The following COLEC11 variants were observed in gnomAD, a reference collection of about 807,000 sequenced individuals.
COLEC11 encodes collectin-11.
In COLEC11, 20 loss-of-function variants were observed where a neutral mutation model predicts 27.3. The ratio of observed to expected loss-of-function variants is 0.73; its 90% confidence interval spans 0.51 to 1.06. The LOEUF (loss-of-function observed/expected upper bound fraction) is 1.06, where lower values mean the gene tolerates loss of function less well. Among genes scored for constraint, COLEC11 ranks in the 50% least tolerant of loss-of-function variants. COLEC11 has a pLI of 0.00. For missense variants in COLEC11, 310 were observed against 383.0 expected (o/e 0.81, Z 1.59); for synonymous variants, 163 against 154.7 (o/e 1.05, Z -0.40).
intron 3 of COLEC11, among the ~76,000 whole-genome samples, chr2:3,622,720 A>C (rs1572435141): frequency 6.6e-6 from 1 of 152,154 alleles, no homozygotes; most frequent in African/African-American, 2.4e-5. Context: ...GCCCTGTGCT[A>C]CCTCAAGACT....
Position 3,644,351 on chromosome 2 carries a change from C to T in COLEC11, c.*233C>T. On this transcript the variant is annotated 3_prime_UTR_variant, in exon 7 of 7. Coordinates refer to ENST00000349077, the MANE Select transcript of COLEC11 (RefSeq NM_024027.5). ...AGAGTTTCATTACCTGTATTGTAGCCCCAATGTCATTATGTAATTATTACC... is the reference window on the plus strand; with the variant it reads ...AGAGTTTCATTACCTGTATTGTAGCTCCAATGTCATTATGTAATTATTACC... 1 of 689,020 alleles carries T rather than the reference C, an allele frequency of 1.5e-6. No homozygotes were observed. The highest frequency in any genetic ancestry group is 1.5e-5 in the South Asian group (1 of 66,606). 42.7% of individuals were successfully genotyped at this position (689,020 alleles called of 1,614,324 possible). A position where few individuals can be genotyped will look rare whatever the true frequency, so the allele number is the denominator to read the frequency against.
In COLEC11 at chr2:3,644,432, TTAAG is replaced by T. The variant is rs1337361539; in HGVS notation, c.*317_*320del. On this transcript the variant is annotated 3_prime_UTR_variant, in exon 7 of 7. Coordinates refer to ENST00000349077, the MANE Select transcript of COLEC11 (RefSeq NM_024027.5). ...TTGTCCAAGCTATACAATAAAATCTTTAAGTAGTGCAGTAGTTAAGTCCAAATAG... is the reference window on the plus strand; with the variant it reads ...TTGTCCAAGCTATACAATAAAATCTTTAGTGCAGTAGTTAAGTCCAAATAG... The T allele has an allele frequency of 8.9e-6, 5 of 559,536 alleles. No homozygotes were observed. Among genetic ancestry groups the T allele is most frequent in the African/African-American group, 1.9e-5 (1 of 53,842 alleles). The allele number at this position is 559,536 out of a possible 1,614,324, so 34.7% of individuals were successfully genotyped here.
rs866629760 is a variant in COLEC11 at position 3,615,292 on chromosome 2, C to T, written c.202+1910C>T. On this transcript the variant is annotated intron_variant, in intron 3 of 6. Coordinates refer to ENST00000349077, the MANE Select transcript of COLEC11 (RefSeq NM_024027.5). Reference sequence around the variant, plus strand: ...CTAGGCAGAGGACCCTGCGGCCATCCGCAGTGTTTGTGTCCCTGGGTACTT... The same window carrying T: ...CTAGGCAGAGGACCCTGCGGCCATCTGCAGTGTTTGTGTCCCTGGGTACTT... Among the ~76,000 whole-genome samples the T allele has an allele frequency of 3.9e-5, 6 of 152,266 alleles. No individual in the cohort carries two copies. The South Asian group carries it at 6.2e-4, about 16-fold the overall frequency.
At chr2:3,624,655 C>T (rs555086025) in intron 3 of COLEC11, among the ~76,000 whole-genome samples, 8 of 152,198 alleles carry the variant, frequency 5.3e-5, no homozygotes, top group Admixed American at 1.3e-4. Flanking sequence ...AACGGTCACA[C>T]GGGTAAAGTG....
At chr2:3,613,466 G>T in intron 3 of COLEC11, 84 bp downstream of exon 3, 1 of 1,437,146 alleles carries the variant, frequency 7.0e-7, no homozygotes, top group Non-Finnish European at 9.6e-7. Context: ...GGTGGGGGTG[G>T]TGGTTCCAGA....
chr2:3,609,696 A>G (rs1220296135), intron 2 of COLEC11, among the ~76,000 whole-genome samples: 3 of 152,078 alleles, frequency 2.0e-5, no homozygotes, highest in African/African-American at 7.2e-5. Flanking sequence ...CGCCTGGCTA[A>G]TTTTTGTATT....
At chr2:3,603,477 C>G (rs1206145024) in intron 1 of COLEC11, 1 of 627,696 alleles carries the variant, frequency 1.6e-6, no homozygotes, top group Non-Finnish European at 2.9e-6. Context: ...CCACCACACC[C>G]AGCTAATTTT....
chr2:3,626,150 T>C (rs1023681446), intron 3 of COLEC11: 50 of 1,380,994 alleles, frequency 3.6e-5, no homozygotes, highest in Non-Finnish European at 4.9e-5. Flanking sequence ...ATGCAGAGAA[T>C]AGGCAACCAC....
intron 3 of COLEC11, among the ~76,000 whole-genome samples, chr2:3,614,781 A>G (rs923585756): frequency 2.0e-5 from 3 of 152,232 alleles, no homozygotes; most frequent in Admixed American, 2.0e-4. Flanking sequence ...GGCAAAGTAA[A>G]CGAAAAAAAG....
chr2:3,614,320 A>T (rs1336088442), intron 3 of COLEC11, among the ~76,000 whole-genome samples: 1 of 152,082 alleles, frequency 6.6e-6, no homozygotes, highest in African/African-American at 2.4e-5. Flanking sequence ...CCCCCCAACC[A>T]ATCTTTTAAC....
chr2:3,612,134 T>A (rs983495752), intron 2 of COLEC11, among the ~76,000 whole-genome samples: 1 of 152,052 alleles, frequency 6.6e-6, no homozygotes, highest in Non-Finnish European at 1.5e-5. Context: ...GCTGGCACAA[T>A]TGTGCAGAGA....
In COLEC11 at chr2:3,636,093, G is replaced by A. The variant is rs138081507; in HGVS notation, c.203-1440G>A. Among the ~76,000 whole-genome samples the A allele has an allele frequency of 7.9e-3, 1,204 of 152,352 alleles. 12 individuals are homozygous for A. Among genetic ancestry groups the A allele is most frequent in the African/African-American group, 0.028 (1,156 of 41,572 alleles). On this transcript the variant is annotated intron_variant, in intron 3 of 6. Transcript: ENST00000349077. ...AAGACTAGGAGTTCCTGGCAGGGAAGTCCTTGGTTCTAAGGAGGCAGGTGG... is the reference window on the plus strand; with the variant it reads ...AAGACTAGGAGTTCCTGGCAGGGAAATCCTTGGTTCTAAGGAGGCAGGTGG...
At chr2:3,627,263 C>T (rs760488897) in intron 3 of COLEC11, among the ~76,000 whole-genome samples, 23 of 148,754 alleles carry the variant, frequency 1.5e-4, no homozygotes, top group Non-Finnish European at 2.8e-4. Context: ...GGCATGATGA[C>T]GCTGGTCACG....
At chr2:3,626,076 A>C (rs1664532967) in intron 3 of COLEC11, 14 of 1,613,868 alleles carry the variant, frequency 8.7e-6, no homozygotes, top group Non-Finnish European at 1.2e-5. Context: ...CGTCCTTTGT[A>C]GAAATGGGAT....
chr2:3,605,107 T>C (rs575501186), intron 2 of COLEC11: 88 of 470,732 alleles, frequency 1.9e-4, no homozygotes, highest in African/African-American at 1.6e-3. Context: ...ATGACCAGCT[T>C]CTACAAAGCA....
At chr2:3,609,535 AT>A (rs61193398) in intron 2 of COLEC11, among the ~76,000 whole-genome samples, 4 of 146,888 alleles carry the variant, frequency 2.7e-5, no homozygotes, top group African/African-American at 2.5e-5. Flanking sequence ...ACATCCTGCT[AT>A]TTTTTTTTTT....
At chr2:3,625,740 C>G (rs1173881285) in intron 3 of COLEC11, among the ~76,000 whole-genome samples, 2 of 138,336 alleles carry the variant, frequency 1.4e-5, no homozygotes, top group Admixed American at 1.6e-4. Context: ...TCAAGTGATT[C>G]TCCTGCCTCA....
In COLEC11 at chr2:3,606,300, G is replaced by A. The variant is rs756382706; in HGVS notation, c.130+1830G>A. The A allele has an allele frequency of 6.5e-5, 95 of 1,450,490 alleles. 1 individual carries two copies. The highest frequency in any genetic ancestry group is 8.9e-5 in the Non-Finnish European group (94 of 1,058,372). The allele number at this position is 1,450,490 out of a possible 1,614,324, so 89.9% of individuals were successfully genotyped here. A position where few individuals can be genotyped will look rare whatever the true frequency, so the allele number is the denominator to read the frequency against. On this transcript the variant is annotated intron_variant, in intron 2 of 6. Coordinates refer to ENST00000349077, the MANE Select transcript of COLEC11 (RefSeq NM_024027.5). The stretch of plus-strand genomic sequence containing the variant: ...GTGGGCTCCAGGGTCCTTTCTGGGC[G>A]CCGCCTTTCCCAGGTGCTGTTGGGA...
intron 5 of COLEC11, among the ~76,000 whole-genome samples, chr2:3,642,624 C>T (rs555910758): frequency 6.6e-6 from 1 of 152,218 alleles, no homozygotes; most frequent in Non-Finnish European, 1.5e-5. Flanking sequence ...CTCACGTGTG[C>T]AGCTCCCCAG....
Sources: allele counts gnomAD v4.1 joint callset (sites outside exome capture counted in the v4.1 genomes callset), GRCh38; gene constraint gnomAD v4.1.1; transcripts MANE v1.5; gene names NCBI Gene and HGNC (gene_info 2026-07-23, HGNC 2026-07-21).